Variants in ZC3H3 observed in about 807,000 individuals in gnomAD.
The protein encoded by ZC3H3 is zinc finger CCCH domain-containing protein 3.
ZC3H3 carries 36 observed loss-of-function variants against 77.3 expected under a neutral mutation model. That is an observed-to-expected ratio of 0.47 (90% CI 0.36 to 0.61). The LOEUF is 0.61. ZC3H3 is among the 20% of genes least tolerant of loss of function. ZC3H3 has a pLI of 0.00. For missense variants in ZC3H3, 1,331 were observed against 1,312.2 expected (o/e 1.01, Z -0.22); for synonymous variants, 626 against 555.2 (o/e 1.13, Z -1.79).
Position 143,534,932 on chromosome 8 carries a change from T to TCC in ZC3H3, c.1561+1324_1561+1325insGG, listed in dbSNP as rs1197721399. ...GCATCGCCCCATTCAGCCCTCCACC[T>TCC]GGGACCCAACGCCCTGCCCTCCCGC... On this transcript the variant is annotated intron_variant, in intron 3 of 11. Transcript: ENST00000262577. 4.6e-5 allele frequency among the ~76,000 whole-genome samples: 7 copies of TCC among 151,720 alleles called. No homozygotes were observed. The East Asian group carries it at 1.4e-3, about 29-fold the overall frequency.
chr8:143,507,174 G>A (rs758363033), intron 4 of ZC3H3, among the ~76,000 whole-genome samples: 66 of 152,246 alleles, frequency 4.3e-4, no homozygotes, highest in Non-Finnish European at 2.8e-4. Flanking sequence ...AAAGCCTCCC[G>A]GGATAGCGGC....
chr8:143,509,000 G>A (rs1164478858), intron 3 of ZC3H3, among the ~76,000 whole-genome samples: 3 of 152,168 alleles, frequency 2.0e-5, no homozygotes, highest in Non-Finnish European at 4.4e-5. Flanking sequence ...CGAGCTTCTA[G>A]CCCATCTCTC....
chr8:143,470,283 G>A lies in ZC3H3; in HGVS notation c.1904-1624C>T, dbSNP rs116224410. Among the ~76,000 whole-genome samples the A allele has an allele frequency of 2.2e-3, 333 of 152,324 alleles. 2 individuals are homozygous for A. The highest frequency in any genetic ancestry group is 7.4e-3 in the African/African-American group (307 of 41,582). On this transcript the variant is annotated intron_variant, in intron 5 of 11. Coordinates refer to ENST00000262577, the MANE Select transcript of ZC3H3 (RefSeq NM_015117.3). ...GCAGCTCCAGAGCTGAGTGGCCAGC[G>A]AGCCCGGCTGGGGCAGGAGCAGGAG...
At chr8:143,448,940 A>G (rs1242630150) in intron 9 of ZC3H3, among the ~76,000 whole-genome samples, 1 of 152,240 alleles carries the variant, frequency 6.6e-6, no homozygotes, top group Non-Finnish European at 1.5e-5. Flanking sequence ...GCTTACCACT[A>G]CGTAGAAGCT....
intron 9 of ZC3H3, among the ~76,000 whole-genome samples, chr8:143,455,042 G>A (rs1233135682): frequency 4.6e-5 from 7 of 152,200 alleles, no homozygotes; most frequent in Admixed American, 2.6e-4. Flanking sequence ...TAGGCTGGGC[G>A]TGGTGGCTTA....
chr8:143,438,582 G>A (rs968768876), intron 11 of ZC3H3, among the ~76,000 whole-genome samples: 3 of 152,158 alleles, frequency 2.0e-5, no homozygotes, highest in Admixed American at 2.0e-4. Context: ...CCAGGGTGAG[G>A]CGGGCAGGGC....
chr8:143,478,260 T>C (rs1820798341), intron 4 of ZC3H3, among the ~76,000 whole-genome samples: 1 of 152,166 alleles, frequency 6.6e-6, no homozygotes, highest in South Asian at 2.1e-4. Flanking sequence ...ACCCACTCAC[T>C]GTGTGGCTCT....
chr8:143,466,631 C>T (rs1056358552), intron 8 of ZC3H3, among the ~76,000 whole-genome samples: 3 of 152,086 alleles, frequency 2.0e-5, no homozygotes, highest in Non-Finnish European at 4.4e-5. Flanking sequence ...ATCTCCCTGC[C>T]CCTCATGGGC....
intron 5 of ZC3H3, among the ~76,000 whole-genome samples, chr8:143,472,688 C>A (rs966339764): frequency 6.6e-6 from 1 of 152,210 alleles, no homozygotes; most frequent in African/African-American, 2.4e-5. Flanking sequence ...GCCCACCCAG[C>A]CCAACAAACG....
chr8:143,534,767 G>T (rs1462743644), intron 3 of ZC3H3, among the ~76,000 whole-genome samples: 1 of 152,146 alleles, frequency 6.6e-6, no homozygotes, highest in Non-Finnish European at 1.5e-5. Context: ...ACCAGGGACC[G>T]CATGGGTCTC....
intron 4 of ZC3H3, among the ~76,000 whole-genome samples, chr8:143,496,865 C>T (rs1368268666): frequency 6.6e-6 from 1 of 152,230 alleles, no homozygotes; most frequent in East Asian, 1.9e-4. Flanking sequence ...TGCATCTCAT[C>T]ACAAAAAGAC....
chr8:143,512,873 C>T (rs546226573), intron 3 of ZC3H3, among the ~76,000 whole-genome samples: 1 of 152,168 alleles, frequency 6.6e-6, no homozygotes, highest in African/African-American at 2.4e-5. Context: ...CTCAGTGGCG[C>T]GGGGAGGTAC....
chr8:143,462,714 G>T lies in ZC3H3; in HGVS notation c.2307+3003C>A, dbSNP rs1820298260. On this transcript the variant is annotated intron_variant, in intron 9 of 11. Coordinates refer to ENST00000262577, the MANE Select transcript of ZC3H3 (RefSeq NM_015117.3). The surrounding 1 kb of genome is among the most constrained non-coding windows in gnomAD (Gnocchi z 4.7). ...GGAAAACGGCAGCGCGGAGGCTCAC[G>T]GAGCAGGCACTGCAGATGCAGGAGG... Among the ~76,000 whole-genome samples, 2 of 152,218 alleles carry T rather than the reference G, an allele frequency of 1.3e-5. No homozygotes were observed. Among genetic ancestry groups the T allele is most frequent in the Non-Finnish European group, 2.9e-5 (2 of 68,028 alleles).
In ZC3H3 at chr8:143,509,234, G is replaced by A. The variant is rs146143876; in HGVS notation, c.1562-1335C>T. 6.2e-4 allele frequency among the ~76,000 whole-genome samples: 95 copies of A among 152,338 alleles called. 3 individuals are homozygous for A. In the East Asian group the frequency reaches 0.017, roughly 28 times the overall value. On this transcript the variant is annotated intron_variant, in intron 3 of 11. Coordinates refer to ENST00000262577, the MANE Select transcript of ZC3H3 (RefSeq NM_015117.3). Reference sequence around the variant, plus strand: ...GAGAGTCTGCCGATTGTATTTTCAAGGTCTTACAAACAAGGAGAAACCAGC... The same window carrying A: ...GAGAGTCTGCCGATTGTATTTTCAAAGTCTTACAAACAAGGAGAAACCAGC...
chr8:143,481,972 T>C (rs1235869301), intron 4 of ZC3H3, among the ~76,000 whole-genome samples: 3 of 152,218 alleles, frequency 2.0e-5, no homozygotes, highest in Non-Finnish European at 4.4e-5. Context: ...GGTTCACAGC[T>C]GAAAGGGGGC....
intron 4 of ZC3H3, among the ~76,000 whole-genome samples, chr8:143,479,920 TTA>T (rs1341990441): frequency 2.6e-5 from 4 of 152,204 alleles, no homozygotes; most frequent in African/African-American, 9.6e-5. Flanking sequence ...CAGTACTGCC[TTA>T]GGAGTAGCTG....
At chr8:143,451,161 C>T (rs1364230605) in intron 9 of ZC3H3, among the ~76,000 whole-genome samples, 2 of 152,022 alleles carry the variant, frequency 1.3e-5, no homozygotes, top group African/African-American at 2.4e-5. Flanking sequence ...CCTACAGACA[C>T]GGGAACAGGT....
chr8:143,475,358 G>A (rs757644838), intron 5 of ZC3H3, 40 bp downstream of exon 5: 3 of 1,589,894 alleles, frequency 1.9e-6, no homozygotes, highest in Non-Finnish European at 2.6e-6. Flanking sequence ...ACGCTAGCCG[G>A]TCGGTGTCAT....
At chr8:143,529,973 T>C (rs1286666322) in intron 3 of ZC3H3, among the ~76,000 whole-genome samples, 1 of 151,970 alleles carries the variant, frequency 6.6e-6, no homozygotes, top group Admixed American at 6.6e-5. Context: ...TGAGCTGGGG[T>C]GAGTGGAGAC....
Sources: allele counts gnomAD v4.1 joint callset (sites outside exome capture counted in the v4.1 genomes callset), GRCh38; gene constraint gnomAD v4.1.1; non-coding constraint Gnocchi (gnomAD v3.1); transcripts MANE v1.5; gene names NCBI Gene and HGNC (gene_info 2026-07-23, HGNC 2026-07-21).